The following ALK variants were observed in gnomAD, a reference collection of about 807,000 sequenced individuals.
ALK encodes ALK receptor tyrosine kinase.
Under a neutral mutation model 163.1 loss-of-function variants are expected in ALK, and 74 were observed. The observed-to-expected ratio is 0.45, with a 90% CI of 0.38 to 0.55. The LOEUF (loss-of-function observed/expected upper bound fraction) is 0.55. ALK is among the 20% of genes least tolerant of loss of function. The pLI, the probability that ALK is intolerant of heterozygous loss-of-function variation, is 0.00. For missense variants in ALK, 2,063 were observed against 2,105.3 expected (o/e 0.98, Z 0.39); for synonymous variants, 960 against 843.2 (o/e 1.14, Z -2.40).
At chr2:29,669,021 A>G (rs1345451637) in intron 3 of ALK, among the ~76,000 whole-genome samples, 2 of 152,054 alleles carry the variant, frequency 1.3e-5, no homozygotes, top group Admixed American at 6.6e-5. Context: ...GAATTATGGG[A>G]GCTACAATTC....
At chr2:29,680,242 T>C (rs1678022558) in intron 3 of ALK, among the ~76,000 whole-genome samples, 1 of 152,156 alleles carries the variant, frequency 6.6e-6, no homozygotes, top group Non-Finnish European at 1.5e-5. Flanking sequence ...TGGCAAGTTT[T>C]AGGCCATTAT....
chr2:29,771,970 C>T (rs892584510), intron 1 of ALK, among the ~76,000 whole-genome samples: 1 of 152,198 alleles, frequency 6.6e-6, no homozygotes. Flanking sequence ...GGGGCTCCTT[C>T]AGTACCAGCC....
chr2:29,328,472 G>A lies in ALK; in HGVS notation c.1292C>T (p.Pro431Leu), dbSNP rs1667341326. ...GCTCTGCAGGGCCATCTTGGAGCCT[G>A]GGGATGTTCCTGGAGAGCACACAGA... is the stretch of plus-strand genomic sequence containing the variant. ...ALKNCSEGTS[P>L]GSKMALQSSF... The change falls in exon 6 of 29, where the codon CCA becomes CTA. Residue 431 changes from proline to leucine, a missense_variant. Physicochemically the swap from Pro to Leu is moderately conservative, Grantham distance 98 (BLOSUM62 -3). Transcript: ENST00000389048. The A allele has an allele frequency of 1.9e-6, 3 of 1,614,164 alleles. No individual in the cohort carries two copies. Among genetic ancestry groups the A allele is most frequent in the Non-Finnish European group, 2.5e-6 (3 of 1,180,020 alleles).
At chr2:29,768,240 G>T (rs1347927216) in intron 1 of ALK, among the ~76,000 whole-genome samples, 1 of 152,208 alleles carries the variant, frequency 6.6e-6, no homozygotes, top group Non-Finnish European at 1.5e-5. Flanking sequence ...GCTCTAAAAA[G>T]CCCAATCCAC....
At chr2:29,401,957 A>G (rs1000442847) in intron 4 of ALK, among the ~76,000 whole-genome samples, 1 of 152,248 alleles carries the variant, frequency 6.6e-6, no homozygotes, top group African/African-American at 2.4e-5. Context: ...AGAAGTAGAA[A>G]TAATGAATGA....
intron 4 of ALK, among the ~76,000 whole-genome samples, chr2:29,445,826 G>C (rs1034676957): frequency 7.3e-5 from 11 of 150,872 alleles, no homozygotes; most frequent in Non-Finnish European, 1.0e-4. Flanking sequence ...CTGGCCGGGC[G>C]CGGTGGCTCA....
intron 3 of ALK, among the ~76,000 whole-genome samples, chr2:29,547,367 T>A (rs1455380647): frequency 6.6e-6 from 1 of 152,014 alleles, no homozygotes; most frequent in African/African-American, 2.4e-5. Context: ...GAGGCCGAGG[T>A]GGGCAGATTG....
chr2:29,771,922 A>G (rs776387887), intron 1 of ALK, among the ~76,000 whole-genome samples: 1 of 152,212 alleles, frequency 6.6e-6, no homozygotes, highest in Non-Finnish European at 1.5e-5. Flanking sequence ...CAAATGTCTT[A>G]TCTCCTCTGC....
intron 2 of ALK, among the ~76,000 whole-genome samples, chr2:29,707,447 G>A (rs923194609): frequency 3.3e-5 from 5 of 152,158 alleles, no homozygotes; most frequent in African/African-American, 9.7e-5. Flanking sequence ...AACAGAACAA[G>A]GGAGGCTCTT....
At chr2:29,211,751 C>A (rs1292928748) in intron 24 of ALK, among the ~76,000 whole-genome samples, 5 of 152,116 alleles carry the variant, frequency 3.3e-5, no homozygotes, top group Admixed American at 2.6e-4. Flanking sequence ...TTTTTCCATA[C>A]AGATGACCAA....
intron 3 of ALK, among the ~76,000 whole-genome samples, chr2:29,631,806 C>T (rs1676385165): frequency 1.3e-5 from 2 of 152,242 alleles, no homozygotes; most frequent in African/African-American, 2.4e-5. Flanking sequence ...AATCCCATTC[C>T]ATGTGTCCTA....
At chr2:29,680,614 T>G (rs1322829620) in intron 3 of ALK, among the ~76,000 whole-genome samples, 6 of 152,248 alleles carry the variant, frequency 3.9e-5, no homozygotes, top group Admixed American at 2.0e-4. Context: ...CTTTATTTCT[T>G]TAAACTTTTT....
intron 1 of ALK, among the ~76,000 whole-genome samples, chr2:29,868,798 T>C (rs2148411036): frequency 6.6e-6 from 1 of 152,312 alleles, no homozygotes; most frequent in South Asian, 2.1e-4. Context: ...TGTTCCCTTA[T>C]CTTAAATCTG....
chr2:29,822,873 G>A (rs1006321016), intron 1 of ALK, among the ~76,000 whole-genome samples: 2 of 152,170 alleles, frequency 1.3e-5, no homozygotes, highest in Non-Finnish European at 2.9e-5. Flanking sequence ...TCTTCCTAAG[G>A]ACTCTCTCAG....
chr2:29,707,990 C>T (rs921406751), intron 2 of ALK, among the ~76,000 whole-genome samples: 1 of 152,178 alleles, frequency 6.6e-6, no homozygotes, highest in Non-Finnish European at 1.5e-5. Context: ...TGAGTTTTCC[C>T]CACTGTGGTT....
At chr2:29,733,704 A>G (rs1398730498) in intron 1 of ALK, among the ~76,000 whole-genome samples, 1 of 152,204 alleles carries the variant, frequency 6.6e-6, no homozygotes, top group Non-Finnish European at 1.5e-5. Flanking sequence ...CCAGCCATTG[A>G]GAGTTCTGAG....
At chr2:29,334,662 C>G (rs1190552103) in intron 5 of ALK, among the ~76,000 whole-genome samples, 1 of 152,192 alleles carries the variant, frequency 6.6e-6, no homozygotes, top group Non-Finnish European at 1.5e-5. Context: ...GGTGGAAGCA[C>G]AGCAGCAGCC....
In ALK at chr2:29,619,444, G is replaced by A. The variant is rs938649900; in HGVS notation, c.952+75406C>T. Among the ~76,000 whole-genome samples the A allele has an allele frequency of 2.0e-5, 3 of 152,248 alleles. No individual in the cohort carries two copies. In the South Asian group the frequency reaches 6.2e-4, roughly 32 times the overall value. On this transcript the variant is annotated intron_variant, in intron 3 of 28. Coordinates refer to ENST00000389048, the MANE Select transcript of ALK (RefSeq NM_004304.5). ...CTTTGAGCGTGTGAGCCCTCAGATC[G>A]AGCTCTCCTCTCCCTTCTCCCCTTT...
At position 29,278,303 on chromosome 2, in the gene ALK, C is replaced by G. The variant is rs142880040; in HGVS notation, c.1818-2807G>C. 3.9e-5 allele frequency among the ~76,000 whole-genome samples: 6 copies of G among 152,180 alleles called. No individual in the cohort carries two copies. In the East Asian group the frequency reaches 1.2e-3, roughly 29 times the overall value. On this transcript the variant is annotated intron_variant, in intron 9 of 28. Transcript: ENST00000389048. ...TGTGGACCTCTGAACAGAGATCAGG[C>G]AAGGAGGTTCTGCCATTATTTCAGG...
Sources: allele counts gnomAD v4.1 joint callset (sites outside exome capture counted in the v4.1 genomes callset), GRCh38; gene constraint gnomAD v4.1.1; transcripts MANE v1.5; gene names NCBI Gene and HGNC (gene_info 2026-07-23, HGNC 2026-07-21).